The following LRP1B variants were observed in gnomAD, a reference collection of about 807,000 sequenced individuals.
LRP1B encodes low-density lipoprotein receptor-related protein 1B.
In LRP1B, 217 loss-of-function variants were observed where a neutral mutation model predicts 556.6. That is an observed-to-expected ratio of 0.39 (90% CI 0.35 to 0.44). The LOEUF (loss-of-function observed/expected upper bound fraction) is 0.44. Ranked by LOEUF, LRP1B falls within the 20% of genes least tolerant of loss-of-function variation. The pLI, the probability that LRP1B is intolerant of heterozygous loss-of-function variation, is 1.00. For missense variants in LRP1B, 5,053 were observed against 5,620.8 expected (o/e 0.90, Z 3.23); for synonymous variants, 2,047 against 1,865.8 (o/e 1.10, Z -2.50).
intron 3 of LRP1B, among the ~76,000 whole-genome samples, chr2:141,430,049 G>A (rs891459290): frequency 2.0e-5 from 3 of 152,196 alleles, no homozygotes; most frequent in African/African-American, 7.2e-5. Flanking sequence ...CCACAGATGA[G>A]GTTCTTCTGT....
chr2:140,989,434 G>A (rs770217058), intron 17 of LRP1B, 98 bp downstream of exon 17: 11 of 1,283,034 alleles, frequency 8.6e-6, no homozygotes, highest in Non-Finnish European at 1.2e-5. Flanking sequence ...CAGATCATCA[G>A]CACTAGGAAA....
At chr2:140,258,458 T>C (rs187279577) in intron 86 of LRP1B, among the ~76,000 whole-genome samples, 246 of 152,260 alleles carry the variant, frequency 1.6e-3, no homozygotes, top group African/African-American at 5.7e-3. Context: ...GTCACTGTCA[T>C]TGCACTACTA....
intron 7 of LRP1B, among the ~76,000 whole-genome samples, chr2:141,084,467 G>A (rs1243202856): frequency 1.3e-5 from 2 of 152,154 alleles, no homozygotes; most frequent in African/African-American, 4.8e-5. Flanking sequence ...AAACCATAGA[G>A]AAATGGCAAA....
At chr2:141,006,117 ATG>A (rs1697567403) in intron 14 of LRP1B, among the ~76,000 whole-genome samples, 1 of 152,036 alleles carries the variant, frequency 6.6e-6, no homozygotes, top group Non-Finnish European at 1.5e-5. Flanking sequence ...TCATGAACGT[ATG>A]TGAGGCACCC....
chr2:141,041,048 G>C (rs1408425388), intron 11 of LRP1B, among the ~76,000 whole-genome samples: 1 of 151,948 alleles, frequency 6.6e-6, no homozygotes, highest in Non-Finnish European at 1.5e-5. Context: ...TTTAAAGGAA[G>C]ACCTCGGTTT....
In LRP1B at chr2:140,350,857, G is replaced by A. The variant is rs373732739; in HGVS notation, c.11832C>T (p.Gly3944=). 4.9e-5 allele frequency: 79 copies of A among 1,609,020 alleles called. No individual in the cohort carries two copies. The Middle Eastern group carries it at 5.0e-4, about 10-fold the overall frequency. Residue 3944 remains glycine, a synonymous_variant, in exon 77 of 91, where the codon GGC becomes GGT. Transcript: ENST00000389484. ...CATGGATCCTTTTGTAGAAAATTCCGCCTGGATTAAACTGAGTACTCCAAA... is the reference window on the plus strand; with the variant it reads ...CATGGATCCTTTTGTAGAAAATTCCACCTGGATTAAACTGAGTACTCCAAA... The part of the protein sequence containing the change: ...MIIWSTQFNP[G]GIFYKRIHGR...
chr2:141,502,555 C>T (rs1235219276), intron 2 of LRP1B, among the ~76,000 whole-genome samples: 2 of 152,054 alleles, frequency 1.3e-5, no homozygotes, highest in East Asian at 3.9e-4. Flanking sequence ...GTTTCAGTAT[C>T]ATTGTTTAAA....
intron 86 of LRP1B, among the ~76,000 whole-genome samples, chr2:140,255,325 A>G (rs914066189): frequency 6.6e-6 from 1 of 152,168 alleles, no homozygotes; most frequent in African/African-American, 2.4e-5. Context: ...CAGGAGGTAG[A>G]GACAAATGTC....
At chr2:140,338,329 T>C (rs1229482041) in intron 77 of LRP1B, among the ~76,000 whole-genome samples, 1 of 151,686 alleles carries the variant, frequency 6.6e-6, no homozygotes, top group Non-Finnish European at 1.5e-5. Flanking sequence ...TCATCCTCAA[T>C]GACTCACAAT....
chr2:141,937,057 C>A lies in LRP1B; in HGVS notation c.83-126656G>T, dbSNP rs1273706439. 2.0e-5 allele frequency among the ~76,000 whole-genome samples: 3 copies of A among 146,720 alleles called. No individual in the cohort carries two copies. The Admixed American group carries it at 2.1e-4, about 10-fold the overall frequency. ...TTAAAAGGTGATCAATAAAAAGTAA[C>A]CTTAAAGTAAATTTGTGAAAGATAT... On this transcript the variant is annotated intron_variant, in intron 1 of 90. Coordinates refer to ENST00000389484, the MANE Select transcript of LRP1B (RefSeq NM_018557.3).
chr2:141,748,849 G>T (rs1322441741), intron 2 of LRP1B, among the ~76,000 whole-genome samples: 1 of 152,114 alleles, frequency 6.6e-6, no homozygotes, highest in Non-Finnish European at 1.5e-5. Context: ...GGAACAAATT[G>T]CTGAAATCAC....
chr2:141,912,864 T>G (rs755407878), intron 1 of LRP1B, among the ~76,000 whole-genome samples: 21 of 152,200 alleles, frequency 1.4e-4, no homozygotes, highest in Non-Finnish European at 2.5e-4. Context: ...CCAAGCTCCT[T>G]TGCCTTTTCA....
At chr2:140,480,376 G>A (rs1329160546) in intron 59 of LRP1B, among the ~76,000 whole-genome samples, 1 of 150,630 alleles carries the variant, frequency 6.6e-6, no homozygotes, top group Non-Finnish European at 1.5e-5. Context: ...TGAATACTGA[G>A]TAAGTGTCTT....
intron 2 of LRP1B, among the ~76,000 whole-genome samples, chr2:141,778,215 A>G (rs1169976089): frequency 6.6e-6 from 1 of 152,242 alleles, no homozygotes; most frequent in African/African-American, 2.4e-5. Flanking sequence ...GAATAAGAAT[A>G]GGTGATTAGA....
intron 18 of LRP1B, among the ~76,000 whole-genome samples, chr2:140,973,051 TTTATATA>T (rs1409223050): frequency 1.5e-3 from 55 of 36,132 alleles, no homozygotes; most frequent in Admixed American, 7.5e-3. Flanking sequence ...TATATTTCAT[TTTATATA>T]TATATATATA....
chr2:140,989,605 G>A lies in LRP1B; in HGVS notation c.2697C>T (p.Ile899=), dbSNP rs750748483. ...CTCCATCACAAAGCCATCTCTTGGG[G>A]ATGCAGCGATTATTCTGGCATTTAA... The part of the protein sequence containing the change: ...DQFKCQNNRC[I]PKRWLCDGAN... Residue 899 remains isoleucine, a synonymous_variant, in exon 17 of 91, where the codon ATC becomes ATT. Transcript: ENST00000389484. 1 of 1,613,258 alleles carries A rather than the reference G, an allele frequency of 6.2e-7. No individual in the cohort carries two copies.
At position 140,334,525 on chromosome 2, in the gene LRP1B, G is replaced by A. The variant is rs770674114; in HGVS notation, c.12151C>T (p.His4051Tyr). The A allele has an allele frequency of 1.2e-6, 2 of 1,602,126 alleles. No homozygotes were observed. Among genetic ancestry groups the A allele is most frequent in the Admixed American group, 3.5e-5 (2 of 57,962 alleles). ...CCATCCATGGCTGCTTCTTCTATAT[G>A]GGAATGATCCCCAACAACAGTCCAG... ...MYWTVVGDHSHIEEAAMDGTL... is the reference protein window; with the variant it reads ...MYWTVVGDHSYIEEAAMDGTL... Residue 4051 changes from histidine (H) to tyrosine (Y), a missense_variant, in exon 79 of 91, where the codon CAT becomes TAT. This residue lies in a region of LRP1B where 22 missense variants were observed against 53.4 expected (regional missense o/e 0.41). Transcript: ENST00000389484.
chr2:141,742,695 A>G (rs1307582006), intron 2 of LRP1B, among the ~76,000 whole-genome samples: 1 of 151,892 alleles, frequency 6.6e-6, no homozygotes, highest in Non-Finnish European at 1.5e-5. Context: ...GAATCTGTAG[A>G]TTGCTTTGGG....
In LRP1B at chr2:140,487,655, G is replaced by A. The variant is rs747167577; in HGVS notation, c.9205C>T (p.Arg3069Cys). Residue 3069 changes from arginine to cysteine, a missense_variant, in exon 58 of 91, where the codon CGC becomes TGC. Arg to Cys is a radical substitution (Grantham distance 180). Transcript: ENST00000389484. Reference protein sequence around the residue: ...WIDSSRPNGSRINRMCLNGSD... With the variant: ...WIDSSRPNGSCINRMCLNGSD... ...CCATTTAAACACATTCTATTTATGC[G>A]ACTGCCATTGGGTCGGCTAGAATCG... is the stretch of plus-strand genomic sequence containing the variant. 5.6e-6 allele frequency: 9 copies of A among 1,607,232 alleles called. No individual in the cohort carries two copies. Among genetic ancestry groups the A allele is most frequent in the South Asian group, 3.3e-5 (3 of 90,618 alleles).
Sources: gnomAD v4.1 joint callset for allele counts (sites outside exome capture counted in the v4.1 genomes callset) on GRCh38, gnomAD v4.1.1 for gene constraint, gnomAD v4.1.1 regional missense constraint, MANE v1.5 for transcripts, NCBI Gene and HGNC (gene_info 2026-07-23, HGNC 2026-07-21) for gene names.